Variants in NRL observed in about 807,000 individuals in gnomAD.
NRL encodes the protein neural retina leucine zipper.
In NRL, 16 loss-of-function variants were observed where a neutral mutation model predicts 12.5. That is an observed-to-expected ratio of 1.28 (90% CI 0.87 to 1.95). NRL has a LOEUF of 1.95. Ranked by LOEUF, NRL falls within the 30% of genes most tolerant of loss-of-function variation. The probability of loss-of-function intolerance (pLI) is 0.00; values close to 1 mark genes in which losing one functional copy is unlikely to be tolerated. For synonymous variants in NRL, 142 were observed against 150.9 expected (o/e 0.94, Z 0.43); for missense variants, 314 against 325.8 (o/e 0.96, Z 0.28).
rs1420385183 is a variant in NRL, at chr14:24,082,558, C to T, written c.291G>A (p.Glu97=). The T allele has an allele frequency of 1.2e-6, 2 of 1,613,484 alleles. No individual in the cohort carries two copies. Among genetic ancestry groups the T allele is most frequent in the Admixed American group, 1.7e-5 (1 of 60,008 alleles). The change falls in exon 2 of 3, where the codon GAG becomes GAA. Residue 97 remains glutamate (E), a synonymous_variant. Transcript: ENST00000561028. The stretch of plus-strand genomic sequence containing the variant: ...GGACTGGGCCCTGACCCTGCAGCAG[C>T]TCCATGGCCTCTTCAGGACTCAGCC... The part of the protein sequence containing the change: ...ALGLSPEEAM[E]LLQGQGPVPV...
rs1304166848 is a variant in NRL at position 24,082,591 on chromosome 14, C to T, written c.258G>A (p.Glu86=). Residue 86 remains glutamate (E), a synonymous_variant, in exon 2 of 3, where the codon GAG becomes GAA. Transcript: ENST00000561028. ...CCTCTTCAGGACTCAGCCCCAATGC[C>T]TCCCCAGCCCCCAGCTGCTGCTGCA... is the stretch of plus-strand genomic sequence containing the variant. ...ATLQQQLGAG[E]ALGLSPEEAM... The T allele has an allele frequency of 6.2e-7, 1 of 1,613,868 alleles. No individual in the cohort carries two copies. The highest frequency in any genetic ancestry group is 2.2e-5 in the East Asian group (1 of 44,882).
rs115287420 is a variant in NRL, at chr14:24,095,679, G to A, written c.-27-12804C>T. Among the ~76,000 whole-genome samples, 573 of 152,322 alleles carry A rather than the reference G, an allele frequency of 3.8e-3. 5 individuals carry two copies. Among genetic ancestry groups the A allele is most frequent in the African/African-American group, 0.013 (552 of 41,558 alleles). On this transcript the variant is annotated intron_variant, in intron 1 of 2. Coordinates refer to ENST00000561028, the MANE Select transcript of NRL (RefSeq NM_001354768.3). ...TTCTGATGGGCGAGGCCTTGATAGAGGAGGAGAGTAACATCCCCTTCATGG... is the reference window on the plus strand; with the variant it reads ...TTCTGATGGGCGAGGCCTTGATAGAAGAGGAGAGTAACATCCCCTTCATGG...
intron 1 of NRL, among the ~76,000 whole-genome samples, chr14:24,095,645 G>A (rs1005270536): frequency 6.6e-6 from 1 of 152,198 alleles, no homozygotes; most frequent in Non-Finnish European, 1.5e-5. Context: ...TCCTGGGTGT[G>A]GGGGCAGTTT....
chr14:24,103,241 C>T (rs1308517482), intron 1 of NRL: 3 of 1,613,120 alleles, frequency 1.9e-6, no homozygotes, highest in Non-Finnish European at 2.5e-6. Context: ...TCCACTGCTG[C>T]AGCAGAACAC....
At chr14:24,099,377 C>A in intron 1 of NRL, 1 of 1,009,208 alleles carries the variant, frequency 9.9e-7, no homozygotes, top group Non-Finnish European at 1.4e-6. Context: ...AAAGCTTTGG[C>A]CTCAGGCTGC....
chr14:24,106,857 G>GT (rs1459677567), intron 1 of NRL, among the ~76,000 whole-genome samples: 1 of 152,136 alleles, frequency 6.6e-6, no homozygotes, highest in Non-Finnish European at 1.5e-5. Context: ...TAAACACATA[G>GT]TAGACTTGAG....
chr14:24,098,257 G>A (rs2036985565), intron 1 of NRL: 1 of 1,614,140 alleles, frequency 6.2e-7, no homozygotes, highest in South Asian at 1.1e-5. Context: ...GCAAGACGGT[G>A]ATTGTAACTC....
At position 24,094,406 on chromosome 14, in the gene NRL, A is replaced by G; in HGVS notation, c.-27-11531T>C. On this transcript the variant is annotated intron_variant, in intron 1 of 2. Coordinates refer to ENST00000561028, the MANE Select transcript of NRL (RefSeq NM_001354768.3). The surrounding 1 kb of genome is among the most constrained non-coding windows in gnomAD (Gnocchi z 4.1). The stretch of plus-strand genomic sequence containing the variant: ...ACCCCGCAGCCCCTGCCCAGGTGCC[A>G]TGGCCGCATTGTACCGCCCTGGCCT... 6.4e-7 allele frequency: 1 copy of G among 1,559,708 alleles called. No homozygotes were observed. Among genetic ancestry groups the G allele is most frequent in the Non-Finnish European group, 8.6e-7 (1 of 1,157,292 alleles).
In NRL at chr14:24,108,824, T is replaced by C. The variant is rs117599999; in HGVS notation, c.-28+5898A>G. 6.1e-4 allele frequency among the ~76,000 whole-genome samples: 93 copies of C among 152,286 alleles called. 1 individual carries two copies. In the East Asian group the frequency reaches 0.018, roughly 29 times the overall value. On this transcript the variant is annotated intron_variant, in intron 1 of 2. Transcript: ENST00000561028. ...ATTTCCATCGACACAGAGAATACTA[T>C]AAGGCAATGTTCAAACACATGTATG...
chr14:24,082,501 C>G lies in NRL; in HGVS notation c.348G>C (p.Gly116=), dbSNP rs748631053. 1.9e-6 allele frequency: 3 copies of G among 1,613,078 alleles called. No individual in the cohort carries two copies. Among genetic ancestry groups the G allele is most frequent in the Non-Finnish European group, 2.5e-6 (3 of 1,180,030 alleles). Residue 116 remains glycine, a synonymous_variant, in exon 2 of 3, where the codon GGG becomes GGC. Coordinates refer to ENST00000561028, the MANE Select transcript of NRL (RefSeq NM_001354768.3). The stretch of plus-strand genomic sequence containing the variant: ...GCTGGGCTCCTGTCTCCTCTGGGCT[C>G]CCTGGGTAGTAGCCATGGGGCCCAT... ...PVDGPHGYYP[G]SPEETGAQHV...
intron 1 of NRL, chr14:24,098,680 T>C (rs751777996): frequency 6.2e-7 from 1 of 1,612,652 alleles, no homozygotes; most frequent in Non-Finnish European, 8.5e-7. Flanking sequence ...CAGGACAAGG[T>C]AAGCACCTGC....
intron 1 of NRL, among the ~76,000 whole-genome samples, chr14:24,113,561 A>G (rs895717899): frequency 6.6e-6 from 1 of 152,256 alleles, no homozygotes. Flanking sequence ...CAGACCGCCT[A>G]CATAATCAGT....
intron 1 of NRL, among the ~76,000 whole-genome samples, chr14:24,091,562 A>G (rs2036632232): frequency 6.6e-6 from 1 of 152,186 alleles, no homozygotes; most frequent in Non-Finnish European, 1.5e-5. Flanking sequence ...TAAGCTTAAG[A>G]GTGATATGAT....
chr14:24,091,902 A>G (rs1407554540), intron 1 of NRL, among the ~76,000 whole-genome samples: 1 of 152,192 alleles, frequency 6.6e-6, no homozygotes, highest in African/African-American at 2.4e-5. Flanking sequence ...AAGAGGCCCA[A>G]GCAGGCATCT....
chr14:24,094,279 T>A lies in NRL; in HGVS notation c.-27-11404A>T. 1.1e-6 allele frequency: 1 copy of A among 899,002 alleles called. No individual in the cohort carries two copies. Among genetic ancestry groups the A allele is most frequent in the Non-Finnish European group, 1.7e-6 (1 of 592,240 alleles). The allele number at this position is 899,002 out of a possible 1,614,324, so 55.7% of individuals were successfully genotyped here. ...GGTTCCGCCCCCGCGCCTGCCCCCCTCCTTTTTAAGCGCCTCCCGCCAGCC... is the reference window on the plus strand; with the variant it reads ...GGTTCCGCCCCCGCGCCTGCCCCCCACCTTTTTAAGCGCCTCCCGCCAGCC... On this transcript the variant is annotated intron_variant, in intron 1 of 2. Transcript: ENST00000561028. This position sits in a 1 kb window ranked among gnomAD's most constrained non-coding sequence, Gnocchi z 4.1.
At position 24,098,990 on chromosome 14, in the gene NRL, C is replaced by T. The variant is rs1249355688; in HGVS notation, c.-28+15732G>A. Reference sequence around the variant, plus strand: ...TCCTGCCAATCCCTGATCCCTCTGGCCCCGACACCCCAGTTCCTGATGCTG... The same window carrying T: ...TCCTGCCAATCCCTGATCCCTCTGGTCCCGACACCCCAGTTCCTGATGCTG... On this transcript the variant is annotated intron_variant, in intron 1 of 2. Coordinates refer to ENST00000561028, the MANE Select transcript of NRL (RefSeq NM_001354768.3). 8 of 1,352,142 alleles carry T rather than the reference C, an allele frequency of 5.9e-6. No individual in the cohort carries two copies. The African/African-American group carries it at 1.1e-4, about 19-fold the overall frequency. The allele number at this position is 1,352,142 out of a possible 1,614,324, so 83.8% of individuals were successfully genotyped here. A position where few individuals can be genotyped will look rare whatever the true frequency, so the allele number is the denominator to read the frequency against.
Position 24,082,590 on chromosome 14 carries a change from C to T in NRL, c.259G>A (p.Ala87Thr). ...TLQQQLGAGE[A>T]LGLSPEEAME... ...GCCTCTTCAGGACTCAGCCCCAATG[C>T]CTCCCCAGCCCCCAGCTGCTGCTGC... The change falls in exon 2 of 3, where the codon GCA becomes ACA. Residue 87 changes from alanine to threonine, a missense_variant. Ala to Thr is a moderately conservative substitution (Grantham distance 58). Coordinates refer to ENST00000561028, the MANE Select transcript of NRL (RefSeq NM_001354768.3). 4 of 1,613,794 alleles carry T rather than the reference C, an allele frequency of 2.5e-6. No individual in the cohort carries two copies. The Middle Eastern group carries it at 6.6e-4, about 266-fold the overall frequency.
rs1431506984 is a variant in NRL at position 24,094,145 on chromosome 14, T to G, written c.-27-11270A>C. The G allele has an allele frequency of 1.1e-5, 6 of 543,932 alleles. No individual in the cohort carries two copies. Among genetic ancestry groups the G allele is most frequent in the South Asian group, 4.5e-5 (2 of 44,342 alleles). 33.7% of individuals were successfully genotyped at this position (543,932 alleles called of 1,614,324 possible). A position where few individuals can be genotyped will look rare whatever the true frequency, so the allele number is the denominator to read the frequency against. On this transcript the variant is annotated intron_variant, in intron 1 of 2. Coordinates refer to ENST00000561028, the MANE Select transcript of NRL (RefSeq NM_001354768.3). This position sits in a 1 kb window ranked among gnomAD's most constrained non-coding sequence, Gnocchi z 4.1. ...AATGGGAGAGATGGGTTTGGCGGTT[T>G]GGAGGCAGGGGTTGGGGCGGCGGCT...
chr14:24,099,188 C>A lies in NRL; in HGVS notation c.-28+15534G>T, dbSNP rs140662988. On this transcript the variant is annotated intron_variant, in intron 1 of 2. Coordinates refer to ENST00000561028, the MANE Select transcript of NRL (RefSeq NM_001354768.3). ...GCAAGAAGTGCTTTGCCCTACGCATCGCCTCTCGGCTGGCCCGGGATGAGG... is the reference window on the plus strand; with the variant it reads ...GCAAGAAGTGCTTTGCCCTACGCATAGCCTCTCGGCTGGCCCGGGATGAGG... 3.1e-6 allele frequency: 5 copies of A among 1,605,668 alleles called. No homozygotes were observed. In the African/African-American group the frequency reaches 5.3e-5, roughly 17 times the overall value.
Sources: allele counts gnomAD v4.1 joint callset (sites outside exome capture counted in the v4.1 genomes callset), GRCh38; gene constraint gnomAD v4.1.1; non-coding constraint Gnocchi (gnomAD v3.1); transcripts MANE v1.5; gene names NCBI Gene and HGNC (gene_info 2026-07-23, HGNC 2026-07-21).